Variants in CNTNAP2 observed in about 807,000 individuals in gnomAD.
The protein encoded by CNTNAP2 is contactin associated protein 2, also known as contactin-associated protein-like 2.
Under a neutral mutation model 155.2 loss-of-function variants are expected in CNTNAP2, and 98 were observed. The ratio of observed to expected loss-of-function variants is 0.63; its 90% CI spans 0.54 to 0.75. CNTNAP2 has a LOEUF of 0.75. Among genes scored for constraint, CNTNAP2 ranks in the 30% least tolerant of loss-of-function variants. The pLI is 0.00. For missense variants in CNTNAP2, 1,727 were observed against 1,688.1 expected, an observed-to-expected ratio of 1.02 and a Z score of -0.40; for synonymous variants, 651 against 631.2, an observed-to-expected ratio of 1.03 and a Z score of -0.47.
chr7:146,325,427 C>A (rs1801081202), intron 1 of CNTNAP2, among the ~76,000 whole-genome samples: 1 of 152,146 alleles, frequency 6.6e-6, no homozygotes, highest in African/African-American at 2.4e-5. Flanking sequence ...ATAGGTATTT[C>A]TCCGGCCAAT....
intron 1 of CNTNAP2, among the ~76,000 whole-genome samples, chr7:146,233,201 G>T (rs771086247): frequency 1.3e-5 from 2 of 152,020 alleles, no homozygotes; most frequent in Admixed American, 6.6e-5. Flanking sequence ...GTTTACTTGA[G>T]AATAGAACTT....
At chr7:147,327,818 A>G (rs1346917806) in intron 9 of CNTNAP2, among the ~76,000 whole-genome samples, 1 of 152,142 alleles carries the variant, frequency 6.6e-6, no homozygotes, top group East Asian at 1.9e-4. Flanking sequence ...AAATTCTCAT[A>G]TCATGTGGTC....
At chr7:146,911,170 T>G (rs36144006) in intron 3 of CNTNAP2, among the ~76,000 whole-genome samples, 55,007 of 151,308 alleles carry the variant, frequency 0.36, 10,585 homozygotes, top group Middle Eastern at 0.43. Context: ...GTGCTGGACA[T>G]GATGTGGAGA....
At chr7:148,155,086 T>A (rs1330388951) in intron 17 of CNTNAP2, among the ~76,000 whole-genome samples, 1 of 152,204 alleles carries the variant, frequency 6.6e-6, no homozygotes, top group East Asian at 1.9e-4. Flanking sequence ...GTGCTTCCCA[T>A]GCTTCCCCTC....
chr7:146,653,534 G>T (rs1799949624), intron 1 of CNTNAP2, among the ~76,000 whole-genome samples: 1 of 152,078 alleles, frequency 6.6e-6, no homozygotes, highest in African/African-American at 2.4e-5. Flanking sequence ...TCTTTGAAAA[G>T]TACACTAAAT....
chr7:146,637,913 T>A (rs1255681570), intron 1 of CNTNAP2, among the ~76,000 whole-genome samples: 1 of 152,348 alleles, frequency 6.6e-6, no homozygotes, highest in Admixed American at 6.5e-5. Flanking sequence ...TATATGTTAT[T>A]TGATTTGTAC....
At chr7:146,618,417 T>A (rs570885322) in intron 1 of CNTNAP2, among the ~76,000 whole-genome samples, 2 of 152,328 alleles carry the variant, frequency 1.3e-5, no homozygotes, top group South Asian at 4.1e-4. Context: ...CAATACGTTT[T>A]ATTTTTAGGA....
At chr7:147,216,235 T>G (rs1365708676) in intron 8 of CNTNAP2, among the ~76,000 whole-genome samples, 1 of 152,050 alleles carries the variant, frequency 6.6e-6, no homozygotes, top group Admixed American at 6.6e-5. Context: ...GCCTTGGGTG[T>G]CATATCTAAA....
At chr7:146,397,894 G>C (rs1233364738) in intron 1 of CNTNAP2, among the ~76,000 whole-genome samples, 1 of 107,360 alleles carries the variant, frequency 9.3e-6, no homozygotes, top group South Asian at 2.4e-4. Flanking sequence ...ATTTATTTTT[G>C]ACATGGTCTT....
chr7:146,698,333 G>T (rs889935342), intron 1 of CNTNAP2, among the ~76,000 whole-genome samples: 2 of 151,826 alleles, frequency 1.3e-5, no homozygotes, highest in African/African-American at 4.8e-5. Context: ...TTTTTTAAAA[G>T]GGAGGCTTGC....
At chr7:147,632,173 G>A (rs1483659929) in intron 12 of CNTNAP2, among the ~76,000 whole-genome samples, 1 of 152,138 alleles carries the variant, frequency 6.6e-6, no homozygotes, top group Non-Finnish European at 1.5e-5. Flanking sequence ...AAGAGCATGA[G>A]TAGAGAATTC....
chr7:147,332,507 T>G (rs1237548584), intron 9 of CNTNAP2, among the ~76,000 whole-genome samples: 6 of 152,060 alleles, frequency 3.9e-5, no homozygotes, highest in African/African-American at 1.4e-4. Flanking sequence ...CCAAACTGTT[T>G]AGCAGGGCCT....
chr7:147,216,526 G>T (rs1252763921), intron 8 of CNTNAP2, among the ~76,000 whole-genome samples: 1 of 151,792 alleles, frequency 6.6e-6, no homozygotes, highest in Non-Finnish European at 1.5e-5. Flanking sequence ...TTATCTATTT[G>T]CCTATTCCTT....
At chr7:148,214,869 C>A (rs920389603) in intron 18 of CNTNAP2, among the ~76,000 whole-genome samples, 1 of 152,140 alleles carries the variant, frequency 6.6e-6, no homozygotes, top group African/African-American at 2.4e-5. Context: ...GCGCCCCGCC[C>A]AGGAGAATTC....
chr7:148,381,770 G>A (rs1799063708), intron 21 of CNTNAP2, among the ~76,000 whole-genome samples: 1 of 152,154 alleles, frequency 6.6e-6, no homozygotes, highest in African/African-American at 2.4e-5. Context: ...GATTTTCTCT[G>A]CCACCTTTCT....
chr7:146,673,925 C>T (rs1585036322), intron 1 of CNTNAP2, among the ~76,000 whole-genome samples: 1 of 152,154 alleles, frequency 6.6e-6, no homozygotes, highest in East Asian at 1.9e-4. Context: ...TCAAATTAGC[C>T]AGTCAGAGTG....
rs538754054 is a variant in CNTNAP2 at position 148,132,699 on chromosome 7, C to A, written c.2554+14411C>A. Among the ~76,000 whole-genome samples the A allele has an allele frequency of 1.6e-3, 251 of 152,334 alleles. 1 individual carries two copies. The highest frequency in any genetic ancestry group is 3.4e-3 in the Middle Eastern group (1 of 294). On this transcript the variant is annotated intron_variant, in intron 16 of 23. Coordinates refer to ENST00000361727, the MANE Select transcript of CNTNAP2 (RefSeq NM_014141.6). ...TCAAGCTTGAGCATGACAAACTTCT[C>A]CACAGGGAAAGTTTTTATTTGCCTT...
intron 3 of CNTNAP2, among the ~76,000 whole-genome samples, chr7:147,003,107 A>T (rs1798458730): frequency 6.6e-6 from 1 of 152,030 alleles, no homozygotes; most frequent in Non-Finnish European, 1.5e-5. Context: ...ATGAATAAGG[A>T]AGATATTAGA....
chr7:146,280,522 G>T (rs1399452425), intron 1 of CNTNAP2, among the ~76,000 whole-genome samples: 2 of 152,040 alleles, frequency 1.3e-5, no homozygotes, highest in African/African-American at 4.8e-5. Context: ...CTCCTATCTT[G>T]TCTTGCAGCC....
Sources: gnomAD v4.1 joint callset for allele counts (sites outside exome capture counted in the v4.1 genomes callset) on GRCh38, gnomAD v4.1.1 for gene constraint, MANE v1.5 for transcripts, NCBI Gene and HGNC (gene_info 2026-07-23, HGNC 2026-07-21) for gene names.